CTNNA3: variants seen among roughly 807,000 people sequenced by gnomAD.
The protein encoded by CTNNA3 is catenin alpha-3.
In CTNNA3, 76 loss-of-function variants were observed where a neutral mutation model predicts 95.7. That is an observed-to-expected ratio of 0.79 (90% confidence interval 0.66 to 0.96). CTNNA3 has a LOEUF of 0.96. Among genes scored for constraint, CTNNA3 ranks in the 40% least tolerant of loss-of-function variants. The probability of loss-of-function intolerance (pLI) is 0.00; values close to 1 mark genes in which losing one functional copy is unlikely to be tolerated. For synonymous variants in CTNNA3, 431 were observed against 374.4 expected, an observed-to-expected ratio of 1.15 and a Z score of -1.74; for missense variants, 1,191 against 1,089.8, an observed-to-expected ratio of 1.09 and a Z score of -1.31.
At chr10:65,973,246 C>A (rs1375365002) in intron 16 of CTNNA3, among the ~76,000 whole-genome samples, 1 of 152,042 alleles carries the variant, frequency 6.6e-6, no homozygotes, top group Non-Finnish European at 1.5e-5. Flanking sequence ...CAATAAGAAT[C>A]CTTGAAGAAA....
intron 17 of CTNNA3, among the ~76,000 whole-genome samples, chr10:65,955,964 A>AAC (rs1451792954): frequency 1.3e-5 from 2 of 152,084 alleles, no homozygotes; most frequent in Non-Finnish European, 2.9e-5. Context: ...GAAGGAATGG[A>AAC]ACTGGCTCCT....
At chr10:67,225,749 C>G (rs1217976792) in intron 5 of CTNNA3, among the ~76,000 whole-genome samples, 1 of 152,156 alleles carries the variant, frequency 6.6e-6, no homozygotes, top group Non-Finnish European at 1.5e-5. Context: ...GACCTTCCCT[C>G]TAACAGAGCC....
intron 13 of CTNNA3, among the ~76,000 whole-genome samples, chr10:66,212,241 C>T (rs1466063355): frequency 3.3e-5 from 5 of 152,034 alleles, no homozygotes; most frequent in Admixed American, 6.6e-5. Flanking sequence ...CCACCCACCT[C>T]GGCCTCCCAA....
chr10:67,081,387 T>C (rs1050867461), intron 7 of CTNNA3, among the ~76,000 whole-genome samples: 3 of 152,190 alleles, frequency 2.0e-5, no homozygotes. Context: ...TATTGAGAAC[T>C]TACTATTTCA....
At chr10:66,868,491 G>A (rs568190851) in intron 7 of CTNNA3, among the ~76,000 whole-genome samples, 2 of 152,006 alleles carry the variant, frequency 1.3e-5, no homozygotes, top group African/African-American at 2.4e-5. Context: ...AGTTGGTCAC[G>A]CCTGTAATCC....
intron 15 of CTNNA3, among the ~76,000 whole-genome samples, chr10:66,024,084 C>CCTTTTTTTTTTTTTTTT (rs1183185763): frequency 1.6e-5 from 1 of 62,680 alleles, no homozygotes; most frequent in Admixed American, 1.8e-4. Context: ...ATACCATACA[C>CCTTTTTTTTTTTTTTTT]ATTTTTTTTT....
chr10:67,409,220 C>A (rs551653401), intron 5 of CTNNA3, among the ~76,000 whole-genome samples: 1 of 152,226 alleles, frequency 6.6e-6, no homozygotes, highest in Admixed American at 6.5e-5. Context: ...TTTGACCCAG[C>A]AATCCCATTA....
At chr10:66,158,375 G>A (rs1387643783) in intron 13 of CTNNA3, among the ~76,000 whole-genome samples, 3 of 152,042 alleles carry the variant, frequency 2.0e-5, no homozygotes, top group Admixed American at 2.0e-4. Flanking sequence ...CATGTGGCTA[G>A]CCAATTATCC....
intron 9 of CTNNA3, among the ~76,000 whole-genome samples, chr10:66,721,723 C>T (rs1564639406): frequency 6.6e-6 from 1 of 152,258 alleles, no homozygotes; most frequent in South Asian, 2.1e-4. Context: ...GTGGGAGCAA[C>T]GAGAGGGCTC....
chr10:66,473,224 A>G (rs537906425), intron 11 of CTNNA3, among the ~76,000 whole-genome samples: 1 of 152,018 alleles, frequency 6.6e-6, no homozygotes, highest in Admixed American at 6.6e-5. Flanking sequence ...TAATCCCCAT[A>G]ATCCCCACAT....
At chr10:66,101,979 T>A (rs2081651510) in intron 14 of CTNNA3, among the ~76,000 whole-genome samples, 2 of 151,950 alleles carry the variant, frequency 1.3e-5, no homozygotes, top group African/African-American at 4.8e-5. Context: ...ATATCAACAT[T>A]TTTTTTAAGG....
intron 12 of CTNNA3, among the ~76,000 whole-genome samples, chr10:66,363,111 C>T (rs1402736329): frequency 6.6e-6 from 1 of 152,168 alleles, no homozygotes; most frequent in Non-Finnish European, 1.5e-5. Flanking sequence ...CAGAATGAAG[C>T]TGCTAAACAT....
chr10:66,563,557 GC>G (rs1441384832), intron 10 of CTNNA3, among the ~76,000 whole-genome samples: 5 of 151,920 alleles, frequency 3.3e-5, no homozygotes, highest in African/African-American at 1.2e-4. Context: ...AAATCTTGGG[GC>G]CCCCAAAATC....
intron 7 of CTNNA3, among the ~76,000 whole-genome samples, chr10:66,827,036 C>T (rs1375224859): frequency 1.3e-5 from 2 of 152,128 alleles, no homozygotes; most frequent in East Asian, 3.9e-4. Context: ...CCTTGACCAG[C>T]ACCTGCAGCA....
intron 7 of CTNNA3, among the ~76,000 whole-genome samples, chr10:67,081,359 A>G (rs542533066): frequency 1.3e-5 from 2 of 152,338 alleles, no homozygotes; most frequent in Admixed American, 6.5e-5. Context: ...CAGTAGTAAT[A>G]CAATCATCTC....
intron 1 of CTNNA3, among the ~76,000 whole-genome samples, chr10:67,703,549 G>A (rs1463572708): frequency 3.3e-5 from 5 of 152,174 alleles, no homozygotes; most frequent in Non-Finnish European, 5.9e-5. Flanking sequence ...AATAGATGCA[G>A]AAAAGGCTTT....
chr10:66,420,520 G>C (rs2093182301), intron 11 of CTNNA3, among the ~76,000 whole-genome samples: 1 of 146,746 alleles, frequency 6.8e-6, no homozygotes. Context: ...CAATATGGAG[G>C]CCGGGCACAG....
chr10:66,157,958 C>A (rs1012298595), intron 13 of CTNNA3, among the ~76,000 whole-genome samples: 3 of 151,958 alleles, frequency 2.0e-5, no homozygotes, highest in Admixed American at 1.3e-4. Context: ...ATTTGTATAT[C>A]TTCTTTTGAG....
At chr10:66,745,603 T>G (rs1838830848) in intron 9 of CTNNA3, among the ~76,000 whole-genome samples, 1 of 149,650 alleles carries the variant, frequency 6.7e-6, no homozygotes, top group Non-Finnish European at 1.5e-5. Flanking sequence ...TTTTTTTTTT[T>G]TTTTGAGACA....
Sources: gnomAD v4.1 joint callset for allele counts (sites outside exome capture counted in the v4.1 genomes callset) on GRCh38, gnomAD v4.1.1 for gene constraint, MANE v1.5 for transcripts, NCBI Gene and HGNC (gene_info 2026-07-23, HGNC 2026-07-21) for gene names.